TBL1XR1: variants seen among roughly 807,000 people sequenced by gnomAD.
TBL1XR1 encodes the protein F-box-like/WD repeat-containing protein TBL1XR1.
A neutral mutation model predicts 66.9 loss-of-function variants in TBL1XR1; 5 were observed. The observed-to-expected ratio is 0.07, with a 90% CI of 0.04 to 0.16. TBL1XR1 has a LOEUF of 0.16. Among genes scored for constraint, TBL1XR1 ranks in the 10% least tolerant of loss-of-function variants. The pLI is 1.00. For missense variants in TBL1XR1, 238 were observed against 623.2 expected (o/e 0.38, Z 6.58); for synonymous variants, 210 against 206.0 (o/e 1.02, Z -0.17).
chr3:177,047,883 A>G (rs1289142616), intron 7 of TBL1XR1: 1 of 250,204 alleles, frequency 4.0e-6, no homozygotes, highest in African/African-American at 2.2e-5. Flanking sequence ...TGGACTGGGA[A>G]GAACATCAAA....
chr3:177,023,319 ATTT>A lies in TBL1XR1; in HGVS notation c.*2176_*2178del, dbSNP rs1171131301. 6.6e-6 allele frequency: 1 copy of A among 152,452 alleles called. No individual in the cohort carries two copies. The highest frequency in any genetic ancestry group is 2.4e-5 in the African/African-American group (1 of 41,410). 9.4% of individuals were successfully genotyped at this position (152,452 alleles called of 1,614,324 possible). A position where few individuals can be genotyped will look rare whatever the true frequency, so the allele number is the denominator to read the frequency against. On this transcript the variant is annotated 3_prime_UTR_variant, in exon 16 of 16. Coordinates refer to ENST00000457928, the MANE Select transcript of TBL1XR1 (RefSeq NM_024665.7). Reference sequence around the variant, plus strand: ...AGCACATTTTAAAATTATTGCACAGATTTTTTTAATTTTTATTTATTTTTTTTA... The same window carrying A: ...AGCACATTTTAAAATTATTGCACAGATTTTAATTTTTATTTATTTTTTTTA...
intron 3 of TBL1XR1, among the ~76,000 whole-genome samples, chr3:177,054,162 T>G (rs1351314260): frequency 1.3e-5 from 2 of 152,112 alleles, no homozygotes; most frequent in Non-Finnish European, 2.9e-5. Flanking sequence ...TAGTAAATAC[T>G]TGATTATATA....
At chr3:177,128,229 G>C (rs901365792) in intron 1 of TBL1XR1, among the ~76,000 whole-genome samples, 2 of 150,394 alleles carry the variant, frequency 1.3e-5, no homozygotes, top group African/African-American at 4.9e-5. Flanking sequence ...AGGAAAAAAA[G>C]ACAAAAAAAA....
chr3:177,169,617 T>G (rs1733226748), intron 1 of TBL1XR1, among the ~76,000 whole-genome samples: 1 of 152,248 alleles, frequency 6.6e-6, no homozygotes, highest in Non-Finnish European at 1.5e-5. Flanking sequence ...TGACAAAGAC[T>G]TCCAGTAATG....
chr3:177,036,410 T>TATCC (rs1263524884), intron 12 of TBL1XR1, among the ~76,000 whole-genome samples: 1 of 152,212 alleles, frequency 6.6e-6, no homozygotes, highest in Non-Finnish European at 1.5e-5. Flanking sequence ...CATTACACAT[T>TATCC]ATCCATCCAT....
At chr3:177,191,649 G>T (rs1421423419) in intron 1 of TBL1XR1, among the ~76,000 whole-genome samples, 1 of 152,110 alleles carries the variant, frequency 6.6e-6, no homozygotes, top group East Asian at 1.9e-4. Context: ...GAACTTCTAA[G>T]GACAACTATC....
chr3:177,033,538 G>C (rs1714306572), intron 13 of TBL1XR1, among the ~76,000 whole-genome samples: 1 of 151,662 alleles, frequency 6.6e-6, no homozygotes, highest in Non-Finnish European at 1.5e-5. Flanking sequence ...AGATACTGAA[G>C]ATTTTGCTAT....
intron 1 of TBL1XR1, among the ~76,000 whole-genome samples, chr3:177,101,925 G>T (rs796342003): frequency 6.6e-6 from 1 of 151,690 alleles, no homozygotes; most frequent in South Asian, 2.1e-4. Flanking sequence ...ACCAAATGAG[G>T]GTACAAATTT....
intron 1 of TBL1XR1, among the ~76,000 whole-genome samples, chr3:177,146,092 T>C (rs1052555463): frequency 1.3e-5 from 2 of 152,218 alleles, no homozygotes; most frequent in Non-Finnish European, 2.9e-5. Flanking sequence ...TTAATCTTAA[T>C]GACTACAAGG....
intron 1 of TBL1XR1, among the ~76,000 whole-genome samples, chr3:177,111,686 C>G (rs1384475658): frequency 6.6e-6 from 1 of 152,106 alleles, no homozygotes; most frequent in Admixed American, 6.5e-5. Flanking sequence ...TGCATCACAC[C>G]TTCCCAAACC....
intron 7 of TBL1XR1, chr3:177,047,805 T>A (rs1019566478): frequency 1.6e-5 from 7 of 427,530 alleles, no homozygotes; most frequent in African/African-American, 1.2e-4. Flanking sequence ...AGGATCTACA[T>A]CACCCCACCT....
At chr3:177,054,723 C>T (rs1717583603) in intron 3 of TBL1XR1, among the ~76,000 whole-genome samples, 1 of 152,076 alleles carries the variant, frequency 6.6e-6, no homozygotes, top group Non-Finnish European at 1.5e-5. Context: ...TTTAAAAATA[C>T]CAATTCTTTG....
chr3:177,047,585 T>C (rs1716492128), intron 7 of TBL1XR1, 36 bp from the exon 8 acceptor site: 8 of 1,570,582 alleles, frequency 5.1e-6, no homozygotes, highest in Admixed American at 1.7e-5. Context: ...TTATATAATC[T>C]AGATACGGTA....
chr3:177,174,588 A>G (rs1047081226), intron 1 of TBL1XR1, among the ~76,000 whole-genome samples: 1 of 152,090 alleles, frequency 6.6e-6, no homozygotes, highest in Non-Finnish European at 1.5e-5. Flanking sequence ...GAAAAAGAGG[A>G]GCAGTAGCAA....
intron 1 of TBL1XR1, among the ~76,000 whole-genome samples, chr3:177,169,542 A>C (rs1349391844): frequency 6.6e-6 from 1 of 152,236 alleles, no homozygotes; most frequent in Non-Finnish European, 1.5e-5. Flanking sequence ...CAAACTATGC[A>C]CTACATGTAT....
At chr3:177,137,614 T>C (rs1005127377) in intron 1 of TBL1XR1, among the ~76,000 whole-genome samples, 3 of 152,160 alleles carry the variant, frequency 2.0e-5, no homozygotes, top group Admixed American at 6.5e-5. Context: ...GGCAGACAAA[T>C]GTATCTACTG....
intron 1 of TBL1XR1, among the ~76,000 whole-genome samples, chr3:177,173,336 T>C (rs891988121): frequency 1.3e-5 from 2 of 152,214 alleles, no homozygotes; most frequent in African/African-American, 4.8e-5. Flanking sequence ...TAGACTCACT[T>C]CTAATGAGCA....
intron 1 of TBL1XR1, among the ~76,000 whole-genome samples, chr3:177,196,167 T>C (rs895185896): frequency 5.3e-5 from 8 of 152,166 alleles, no homozygotes; most frequent in Non-Finnish European, 8.8e-5. Flanking sequence ...CGTTAACACA[T>C]GCATGGCTTC....
At chr3:177,175,805 T>C (rs1228922615) in intron 1 of TBL1XR1, among the ~76,000 whole-genome samples, 1 of 152,140 alleles carries the variant, frequency 6.6e-6, no homozygotes, top group Non-Finnish European at 1.5e-5. Flanking sequence ...ATGCCTGTAA[T>C]CCTAGCACTT....
Sources: allele counts gnomAD v4.1 joint callset (sites outside exome capture counted in the v4.1 genomes callset), GRCh38; gene constraint gnomAD v4.1.1; transcripts MANE v1.5; gene names NCBI Gene and HGNC (gene_info 2026-07-23, HGNC 2026-07-21).